The following LMX1A variants were observed in gnomAD, a reference collection of about 807,000 sequenced individuals.
LMX1A encodes the protein LIM homeobox transcription factor 1-alpha.
LMX1A carries 15 observed loss-of-function variants against 49.1 expected under a neutral mutation model. The observed-to-expected ratio is 0.31, with a 90% confidence interval of 0.20 to 0.47. LMX1A has a LOEUF of 0.47. Among genes scored for constraint, LMX1A ranks in the 20% least tolerant of loss-of-function variants. LMX1A has a pLI of 1.00. For missense variants in LMX1A, 372 were observed against 475.8 expected (o/e 0.78, Z 2.03); for synonymous variants, 167 against 185.7 (o/e 0.90, Z 0.82).
intron 3 of LMX1A, among the ~76,000 whole-genome samples, chr1:165,265,819 A>G (rs1015111433): frequency 1.3e-5 from 2 of 152,202 alleles, no homozygotes; most frequent in Non-Finnish European, 2.9e-5. Flanking sequence ...AACCCACAAC[A>G]CAGCTTCACC....
At chr1:165,344,588 C>T (rs1282332494) in intron 3 of LMX1A, among the ~76,000 whole-genome samples, 1 of 152,302 alleles carries the variant, frequency 6.6e-6, no homozygotes, top group East Asian at 1.9e-4. Flanking sequence ...AGGCAAAAGG[C>T]AGGTGTGTCC....
intron 3 of LMX1A, among the ~76,000 whole-genome samples, chr1:165,253,266 T>A (rs1253547569): frequency 6.6e-6 from 1 of 152,152 alleles, no homozygotes; most frequent in Non-Finnish European, 1.5e-5. Context: ...TACAAAGCAA[T>A]GTCCCATGAA....
intron 1 of LMX1A, chr1:165,356,119 C>T (rs1656606309): frequency 6.6e-6 from 1 of 152,480 alleles, no homozygotes; most frequent in African/African-American, 2.4e-5. Context: ...GGGCGTCCCG[C>T]CCGCTTCTGG....
intron 4 of LMX1A, among the ~76,000 whole-genome samples, chr1:165,238,219 TAGA>T (rs35945662): frequency 0.11 from 16,046 of 152,230 alleles, 1,070 homozygotes; most frequent in Admixed American, 0.14. Flanking sequence ...AGAAGCACGT[TAGA>T]AGAAGTTTTG....
At chr1:165,267,910 T>A (rs1653677605) in intron 3 of LMX1A, among the ~76,000 whole-genome samples, 1 of 151,796 alleles carries the variant, frequency 6.6e-6, no homozygotes, top group Non-Finnish European at 1.5e-5. Context: ...TTTCAAAGAG[T>A]TTTACTAAAG....
intron 3 of LMX1A, among the ~76,000 whole-genome samples, chr1:165,337,908 T>TGTGTGTGTGTGTGTGTGTGTC: frequency 5.7e-5 from 1 of 17,552 alleles, no homozygotes. Flanking sequence ...GTGTGTGTGT[T>TGTGTGTGTGTGTGTGTGTGTC]ACTACCCCAG....
chr1:165,272,028 TCGGGG>T (rs941855735), intron 3 of LMX1A, among the ~76,000 whole-genome samples: 8 of 152,194 alleles, frequency 5.3e-5, no homozygotes, highest in African/African-American at 1.9e-4. Context: ...TTTTTAAGTT[TCGGGG>T]TACATGTGCA....
intron 3 of LMX1A, among the ~76,000 whole-genome samples, chr1:165,312,941 A>G (rs781159965): frequency 5.3e-5 from 8 of 152,238 alleles, no homozygotes; most frequent in Non-Finnish European, 1.0e-4. Context: ...ATGGAATGGA[A>G]CCAAATATAA....
At chr1:165,289,602 T>C (rs1178604038) in intron 3 of LMX1A, among the ~76,000 whole-genome samples, 3 of 152,256 alleles carry the variant, frequency 2.0e-5, no homozygotes, top group African/African-American at 4.8e-5. Context: ...GAATAGTCAT[T>C]AGGTGCACAC....
intron 3 of LMX1A, among the ~76,000 whole-genome samples, chr1:165,345,431 A>T: frequency 6.6e-6 from 1 of 152,328 alleles, no homozygotes; most frequent in South Asian, 2.1e-4. Flanking sequence ...ATGTGTTTAC[A>T]TCCTACCGAT....
chr1:165,337,665 G>A (rs1857948), intron 3 of LMX1A, among the ~76,000 whole-genome samples: 120,991 of 152,042 alleles, frequency 0.8, 48,516 homozygotes, highest in Middle Eastern at 0.91. Flanking sequence ...GATGTCCTTG[G>A]ATTTTAAAAT....
At chr1:165,341,922 C>T (rs948643767) in intron 3 of LMX1A, among the ~76,000 whole-genome samples, 6 of 152,148 alleles carry the variant, frequency 3.9e-5, no homozygotes, top group African/African-American at 9.7e-5. Context: ...CTGTTTAACT[C>T]TAAATTAGAA....
At chr1:165,350,173 CA>C (rs60150264) in intron 3 of LMX1A, among the ~76,000 whole-genome samples, 27,272 of 78,782 alleles carry the variant, frequency 0.35, 1,972 homozygotes, top group East Asian at 0.45. Flanking sequence ...AAAGATCCAC[CA>C]AAAAAAAAAA....
At chr1:165,208,303 C>T (rs1037864405) in intron 6 of LMX1A, among the ~76,000 whole-genome samples, 171 bp from the exon 7 acceptor site, 1 of 152,230 alleles carries the variant, frequency 6.6e-6, no homozygotes, top group African/African-American at 2.4e-5. Flanking sequence ...AGAAGCATTG[C>T]AGCTGAGAGC....
At chr1:165,230,831 C>T (rs1652215255) in intron 4 of LMX1A, among the ~76,000 whole-genome samples, 1 of 152,168 alleles carries the variant, frequency 6.6e-6, no homozygotes, top group African/African-American at 2.4e-5. Context: ...AGTGCTCCTT[C>T]CCCATTCCAA....
At position 165,203,498 on chromosome 1, in the gene LMX1A, T is replaced by C. The variant is rs1212013538; in HGVS notation, c.*382A>G. 1 of 163,732 alleles carries C rather than the reference T, an allele frequency of 6.1e-6. No homozygotes were observed. The highest frequency in any genetic ancestry group is 1.3e-5 in the Non-Finnish European group (1 of 74,698). The allele number at this position is 163,732 out of a possible 1,614,324, so 10.1% of individuals were successfully genotyped here. On this transcript the variant is annotated 3_prime_UTR_variant, in exon 9 of 9. Transcript: ENST00000342310. ...TCACACACACACATCTATCTATCTG[T>C]CCTTCTGTCTATTGGTGTGTAGATG...
At chr1:165,337,274 A>G (rs1442373095) in intron 3 of LMX1A, among the ~76,000 whole-genome samples, 1 of 152,240 alleles carries the variant, frequency 6.6e-6, no homozygotes, top group African/African-American at 2.4e-5. Flanking sequence ...TCTTTAATTA[A>G]ATGATAATTT....
rs1651359899 is a variant in LMX1A, at chr1:165,210,962, C to CG, written c.670-187_670-186insC. 14 of 441,886 alleles carry CG rather than the reference C, an allele frequency of 3.2e-5. No homozygotes were observed. The East Asian group carries it at 4.8e-4, about 15-fold the overall frequency. 27.4% of individuals were successfully genotyped at this position (441,886 alleles called of 1,614,324 possible). ...CCCTTCAGGTAGAAAGAAAGTCCTTCACCAGGTAAAGAAACAAAATAATAA... is the reference window on the plus strand; with the variant it reads ...CCCTTCAGGTAGAAAGAAAGTCCTTCGACCAGGTAAAGAAACAAAATAATAA... On this transcript the variant is annotated intron_variant, in intron 5 of 8. Coordinates refer to ENST00000342310, the MANE Select transcript of LMX1A (RefSeq NM_177398.4).
intron 3 of LMX1A, among the ~76,000 whole-genome samples, chr1:165,254,467 C>T (rs1653163250): frequency 6.6e-6 from 1 of 152,146 alleles, no homozygotes; most frequent in Non-Finnish European, 1.5e-5. Flanking sequence ...CAAACCAGAT[C>T]AACTTCGTCT....
Sources: gnomAD v4.1 joint callset for allele counts (sites outside exome capture counted in the v4.1 genomes callset) on GRCh38, gnomAD v4.1.1 for gene constraint, MANE v1.5 for transcripts, NCBI Gene and HGNC (gene_info 2026-07-23, HGNC 2026-07-21) for gene names.